The following PCBP3 variants were observed in gnomAD, a reference collection of about 807,000 sequenced individuals.
The protein encoded by PCBP3 is poly(rC)-binding protein 3.
A neutral mutation model predicts 52.7 loss-of-function variants in PCBP3; 25 were observed. The ratio of observed to expected loss-of-function variants is 0.47; its 90% CI spans 0.35 to 0.66. PCBP3 has a LOEUF of 0.66. Ranked by LOEUF, PCBP3 falls within the 30% of genes least tolerant of loss-of-function variation. The pLI is 0.01. For synonymous variants in PCBP3, 162 were observed against 183.0 expected, an observed-to-expected ratio of 0.89 and a Z score of 0.93; for missense variants, 391 against 490.3, an observed-to-expected ratio of 0.80 and a Z score of 1.91.
intron 3 of PCBP3, among the ~76,000 whole-genome samples, chr21:45,738,332 T>G (rs892313653): frequency 4.0e-5 from 6 of 151,330 alleles, no homozygotes; most frequent in African/African-American, 1.5e-4. Flanking sequence ...TTGGCTCACT[T>G]CAAGCTCCGC....
At chr21:45,815,440 C>G (rs868648626) in intron 4 of PCBP3, among the ~76,000 whole-genome samples, 2,532 of 14,816 alleles carry the variant, frequency 0.17, 34 homozygotes, top group Non-Finnish European at 0.19. Flanking sequence ...AGTGGTGAGT[C>G]AGTGGTGAGT....
chr21:45,702,718 G>C (rs968245159), intron 2 of PCBP3, among the ~76,000 whole-genome samples: 1 of 152,178 alleles, frequency 6.6e-6, no homozygotes, highest in Non-Finnish European at 1.5e-5. Flanking sequence ...GGCTGGGGTG[G>C]CTATGGCAAT....
rs575216197 is a variant in PCBP3, at chr21:45,905,245, C to T, written c.340-4110C>T. ...TGACCCCCCAGAGCACCTCCTCCAA[C>T]GACCGCATCTCCGTCTGCACTGGCC... On this transcript the variant is annotated intron_variant, in intron 9 of 17. Transcript: ENST00000681687. Among the ~76,000 whole-genome samples the T allele has an allele frequency of 3.5e-3, 530 of 152,346 alleles. 3 individuals are homozygous for T. Among genetic ancestry groups the T allele is most frequent in the African/African-American group, 0.012 (500 of 41,582 alleles).
rs180982402 is a variant in PCBP3, at chr21:45,846,832, G to A, written c.-125-3129G>A. ...CAATCCCTGCTCTTCAGCCTGGTGC[G>A]CTGGCCTCACGTGCTTCTGCTCATT... On this transcript the variant is annotated intron_variant, in intron 4 of 17. Coordinates refer to ENST00000681687, the MANE Select transcript of PCBP3 (RefSeq NM_001384156.1). 5.3e-5 allele frequency among the ~76,000 whole-genome samples: 8 copies of A among 152,318 alleles called. No homozygotes were observed. The East Asian group carries it at 9.7e-4, about 18-fold the overall frequency.
chr21:45,815,076 T>G (rs928706014), intron 4 of PCBP3, among the ~76,000 whole-genome samples: 2 of 44,752 alleles, frequency 4.5e-5, no homozygotes, highest in Admixed American at 4.5e-4. Context: ...TGATGAGTGA[T>G]GGGTGAGTGG....
chr21:45,669,649 A>G (rs1446227717), intron 2 of PCBP3, among the ~76,000 whole-genome samples: 4 of 151,744 alleles, frequency 2.6e-5, no homozygotes, highest in Admixed American at 6.6e-5. Context: ...ACTACTATAG[A>G]TACTTCATAT....
intron 4 of PCBP3, among the ~76,000 whole-genome samples, chr21:45,798,981 C>T (rs1426953587): frequency 6.7e-6 from 1 of 150,258 alleles, no homozygotes; most frequent in East Asian, 2.0e-4. Flanking sequence ...TGAATGCGTA[C>T]ATGGATGAAT....
intron 5 of PCBP3, among the ~76,000 whole-genome samples, chr21:45,862,960 C>T (rs898350774): frequency 6.6e-6 from 1 of 152,214 alleles, no homozygotes; most frequent in African/African-American, 2.4e-5. Context: ...CAGTGTGCAT[C>T]CTGTACCTCC....
chr21:45,757,824 A>G (rs1179312545), intron 4 of PCBP3, among the ~76,000 whole-genome samples: 1 of 151,768 alleles, frequency 6.6e-6, no homozygotes, highest in African/African-American at 2.4e-5. Context: ...GTCAGAAATC[A>G]TTTCACCATA....
At chr21:45,876,963 A>G (rs757474326) in intron 5 of PCBP3, among the ~76,000 whole-genome samples, 45 of 152,350 alleles carry the variant, frequency 3.0e-4, no homozygotes, top group Admixed American at 5.2e-4. Flanking sequence ...GCAGTGGCAC[A>G]CAGGAGAGAG....
intron 2 of PCBP3, among the ~76,000 whole-genome samples, chr21:45,681,755 C>T (rs1216459859): frequency 1.3e-5 from 2 of 151,976 alleles, no homozygotes; most frequent in African/African-American, 4.8e-5. Flanking sequence ...CAGGGTAATA[C>T]TAACTTTGTA....
intron 5 of PCBP3, among the ~76,000 whole-genome samples, chr21:45,895,963 C>T (rs1217494908): frequency 6.6e-6 from 1 of 152,216 alleles, no homozygotes; most frequent in Non-Finnish European, 1.5e-5. Context: ...CCAGGGGCTG[C>T]GGTGGCCTGC....
In PCBP3 at chr21:45,791,778, G is replaced by A. The variant is rs1416835292; in HGVS notation, c.-126+36326G>A. 2.6e-5 allele frequency among the ~76,000 whole-genome samples: 4 copies of A among 152,234 alleles called. No homozygotes were observed. Among genetic ancestry groups the A allele is most frequent in the African/African-American group, 7.2e-5 (3 of 41,466 alleles). On this transcript the variant is annotated intron_variant, in intron 4 of 17. Coordinates refer to ENST00000681687, the MANE Select transcript of PCBP3 (RefSeq NM_001384156.1). This position sits in a 1 kb window ranked among gnomAD's most constrained non-coding sequence, Gnocchi z 4.2. ...TGACTGACTGCACAGCAAGTGTTAG[G>A]TCGTGGCACAGGGTAATTACAGACA...
intron 1 of PCBP3, among the ~76,000 whole-genome samples, chr21:45,645,891 A>G (rs1478320545): frequency 6.6e-6 from 1 of 152,206 alleles, no homozygotes; most frequent in Non-Finnish European, 1.5e-5. Flanking sequence ...AACCAAGGAA[A>G]ATACTTGCTC....
intron 1 of PCBP3, among the ~76,000 whole-genome samples, chr21:45,646,661 A>G (rs2079333151): frequency 6.6e-6 from 1 of 152,212 alleles, no homozygotes; most frequent in Non-Finnish European, 1.5e-5. Context: ...CTCTTGATCC[A>G]ATCACCTCTT....
At chr21:45,879,512 A>C (rs536155567) in intron 5 of PCBP3, among the ~76,000 whole-genome samples, 1 of 152,344 alleles carries the variant, frequency 6.6e-6, no homozygotes, top group Admixed American at 6.5e-5. Context: ...ACCACAGTAC[A>C]CGTGGTTTTT....
At chr21:45,825,948 G>T (rs1948647730) in intron 4 of PCBP3, among the ~76,000 whole-genome samples, 1 of 152,132 alleles carries the variant, frequency 6.6e-6, no homozygotes, top group African/African-American at 2.4e-5. Flanking sequence ...ACCTATGAAA[G>T]AAAAAAATAT....
In PCBP3 at chr21:45,904,507, C is replaced by A. The variant is rs2096149598; in HGVS notation, c.339+3394C>A. On this transcript the variant is annotated intron_variant, in intron 9 of 17. Transcript: ENST00000681687. The surrounding 1 kb of genome is among the most constrained non-coding windows in gnomAD (Gnocchi z 4.8). ...TCCAGAAGACTGTGGATGGTCAGGA[C>A]AGTGTTGTTCTTGAGTAAGGGGTAA... 6.6e-6 allele frequency among the ~76,000 whole-genome samples: 1 copy of A among 152,026 alleles called. No homozygotes were observed. The highest frequency in any genetic ancestry group is 1.5e-5 in the Non-Finnish European group (1 of 68,030).
Position 45,784,352 on chromosome 21 carries a change from A to G in PCBP3, c.-126+28900A>G, listed in dbSNP as rs1354313865. Among the ~76,000 whole-genome samples the G allele has an allele frequency of 5.4e-3, 775 of 143,374 alleles. 8 individuals carry two copies. The highest frequency in any genetic ancestry group is 0.02 in the African/African-American group (745 of 37,556). 94.1% of individuals were successfully genotyped at this position (143,374 alleles called of 152,430 possible). On this transcript the variant is annotated intron_variant, in intron 4 of 17. Coordinates refer to ENST00000681687, the MANE Select transcript of PCBP3 (RefSeq NM_001384156.1). The stretch of plus-strand genomic sequence containing the variant: ...TAGTGACAGCTCTACCTCTACCTCT[A>G]CCTCTACCTCTACCTCTACCTCTAC...
Sources: allele counts gnomAD v4.1 joint callset (sites outside exome capture counted in the v4.1 genomes callset), GRCh38; gene constraint gnomAD v4.1.1; non-coding constraint Gnocchi (gnomAD v3.1); transcripts MANE v1.5; gene names NCBI Gene and HGNC (gene_info 2026-07-23, HGNC 2026-07-21).